Variants in PCDH15 observed in about 807,000 individuals in gnomAD.
PCDH15 encodes the protein protocadherin related 15, also known as protocadherin-15.
PCDH15 carries 129 observed loss-of-function variants against 178.5 expected under a neutral mutation model. The ratio of observed to expected loss-of-function variants is 0.72; its 90% CI spans 0.63 to 0.84. The LOEUF is 0.84. Ranked by LOEUF, PCDH15 falls within the 40% of genes least tolerant of loss-of-function variation. The pLI is 0.00. For synonymous variants in PCDH15, 800 were observed against 732.0 expected (o/e 1.09, Z -1.50); for missense variants, 2,230 against 2,099.9 (o/e 1.06, Z -1.21).
chr10:55,118,210 A>G (rs1297722481), intron 2 of PCDH15, among the ~76,000 whole-genome samples: 2 of 152,194 alleles, frequency 1.3e-5, no homozygotes, highest in Non-Finnish European at 2.9e-5. Flanking sequence ...CCAGACTGAG[A>G]AAGGCCATAG....
intron 25 of PCDH15, among the ~76,000 whole-genome samples, chr10:53,937,248 C>T (rs2256405): frequency 0.035 from 5,376 of 152,262 alleles, 289 homozygotes; most frequent in African/African-American, 0.12. Flanking sequence ...ATAAAAATCA[C>T]AGGTATCACT....
chr10:54,551,363 A>G (rs2086592920), intron 2 of PCDH15, among the ~76,000 whole-genome samples: 1 of 152,046 alleles, frequency 6.6e-6, no homozygotes, highest in Admixed American at 6.6e-5. Flanking sequence ...ATGTTAATCT[A>G]GAAATTAAAT....
intron 11 of PCDH15, among the ~76,000 whole-genome samples, chr10:54,188,120 G>T (rs10763081): frequency 0.72 from 108,664 of 151,668 alleles, 39,868 homozygotes; most frequent in East Asian, 0.98. Context: ...GTGTATCAAA[G>T]GTTTGGTAAG....
At chr10:54,622,653 A>T (rs1412176602) in intron 2 of PCDH15, among the ~76,000 whole-genome samples, 6 of 93,758 alleles carry the variant, frequency 6.4e-5, no homozygotes, top group African/African-American at 2.0e-4. Flanking sequence ...TTATATATAT[A>T]CTATATAATA....
intron 2 of PCDH15, among the ~76,000 whole-genome samples, chr10:55,530,239 G>A (rs1172739102): frequency 6.6e-6 from 1 of 151,890 alleles, no homozygotes; most frequent in Non-Finnish European, 1.5e-5. Context: ...TTCAGAGTAT[G>A]AGCAAGAACC....
chr10:54,288,443 C>T lies in PCDH15; in HGVS notation c.876+28828G>A, dbSNP rs148804482. 2.4e-3 allele frequency among the ~76,000 whole-genome samples: 364 copies of T among 152,304 alleles called. 1 individual carries two copies. The highest frequency in any genetic ancestry group is 8.4e-3 in the African/African-American group (349 of 41,562). ...AGGAACAGCTCCGGTCTGCAGCTCCCAGTGTGACTGACGCAGAAGATGGGT... is the reference window on the plus strand; with the variant it reads ...AGGAACAGCTCCGGTCTGCAGCTCCTAGTGTGACTGACGCAGAAGATGGGT... On this transcript the variant is annotated intron_variant, in intron 8 of 37. Coordinates refer to ENST00000644397, the MANE Select transcript of PCDH15 (RefSeq NM_001384140.1).
chr10:54,500,346 A>T (rs1433708077), intron 3 of PCDH15, among the ~76,000 whole-genome samples: 4 of 152,062 alleles, frequency 2.6e-5, no homozygotes, highest in Non-Finnish European at 5.9e-5. Context: ...TGGGTACTGC[A>T]CTCACTACCT....
intron 18 of PCDH15, among the ~76,000 whole-genome samples, chr10:54,023,976 T>C (rs1409567521): frequency 1.3e-5 from 2 of 151,974 alleles, no homozygotes; most frequent in African/African-American, 2.4e-5. Context: ...AAAAGTCAAA[T>C]AGGATTAAAA....
chr10:54,008,743 A>T (rs9651342), intron 20 of PCDH15, among the ~76,000 whole-genome samples: 6,308 of 152,258 alleles, frequency 0.041, 158 homozygotes, highest in East Asian at 0.11. Flanking sequence ...CTTTGTCCAA[A>T]ATCATCAATA....
intron 1 of PCDH15, among the ~76,000 whole-genome samples, chr10:55,188,210 A>T (rs1048015449): frequency 2.6e-5 from 4 of 151,968 alleles, no homozygotes; most frequent in African/African-American, 9.7e-5. Context: ...TATCGTGTTT[A>T]TGTTACAGAT....
At chr10:53,823,762 C>T (rs919487502) in intron 32 of PCDH15, 16 of 450,202 alleles carry the variant, frequency 3.6e-5, no homozygotes, top group African/African-American at 9.3e-5. Context: ...CTGCCTGTTA[C>T]GCATAGAAGA....
intron 2 of PCDH15, among the ~76,000 whole-genome samples, chr10:55,131,762 G>A (rs1031705622): frequency 2.0e-5 from 3 of 151,994 alleles, no homozygotes; most frequent in Non-Finnish European, 2.9e-5. Context: ...GAGCATGGTT[G>A]ACTTTGTGGT....
At chr10:54,483,763 AAGAGT>A (rs1401208834) in intron 3 of PCDH15, among the ~76,000 whole-genome samples, 1 of 151,720 alleles carries the variant, frequency 6.6e-6, no homozygotes, top group Non-Finnish European at 1.5e-5. Context: ...AAATGTAGAG[AAGAGT>A]ATATTCATTA....
intron 4 of PCDH15, among the ~76,000 whole-genome samples, chr10:54,371,533 T>C (rs1947669646): frequency 6.6e-6 from 1 of 151,856 alleles, no homozygotes; most frequent in Non-Finnish European, 1.5e-5. Context: ...GTTGACTTAC[T>C]GTAGTTTCAG....
intron 1 of PCDH15, among the ~76,000 whole-genome samples, chr10:55,265,741 G>A (rs1295413369): frequency 6.6e-6 from 1 of 152,048 alleles, no homozygotes; most frequent in African/African-American, 2.4e-5. Context: ...GCTAAGAGAG[G>A]CCTTGGTAAA....
intron 1 of PCDH15, among the ~76,000 whole-genome samples, chr10:54,696,682 GA>G (rs141524677): frequency 0.083 from 12,002 of 145,044 alleles, 530 homozygotes; most frequent in South Asian, 0.16. Flanking sequence ...GAAAATAAAT[GA>G]AAAAAAAAAC....
At chr10:55,563,906 G>T (rs186497593) in intron 2 of PCDH15, among the ~76,000 whole-genome samples, 1 of 151,730 alleles carries the variant, frequency 6.6e-6, no homozygotes, top group Non-Finnish European at 1.5e-5. Context: ...TTCATTAACC[G>T]CTATAAATGC....
intron 21 of PCDH15, among the ~76,000 whole-genome samples, chr10:53,983,349 G>T (rs577289996): frequency 2.1e-4 from 30 of 145,640 alleles, no homozygotes; most frequent in Admixed American, 2.0e-3. Context: ...ATCCTTAAAG[G>T]ACAAAAGAGA....
At chr10:55,373,966 A>T (rs550471092) in intron 2 of PCDH15, among the ~76,000 whole-genome samples, 69 of 151,850 alleles carry the variant, frequency 4.5e-4, no homozygotes, top group Non-Finnish European at 8.1e-4. Context: ...GGGGAGGGAC[A>T]GCATTAGGAG....
Sources: allele counts gnomAD v4.1 joint callset (sites outside exome capture counted in the v4.1 genomes callset), GRCh38; gene constraint gnomAD v4.1.1; transcripts MANE v1.5; gene names NCBI Gene and HGNC (gene_info 2026-07-23, HGNC 2026-07-21).